PDE11A: variants seen among roughly 807,000 people sequenced by gnomAD.
PDE11A encodes the protein dual 3',5'-cyclic-AMP and -GMP phosphodiesterase 11A.
Under a neutral mutation model 100.5 loss-of-function variants are expected in PDE11A, and 100 were observed. That is an observed-to-expected ratio of 1.00 (90% CI 0.85 to 1.18). PDE11A has a LOEUF of 1.18. Ranked by LOEUF, PDE11A falls within the 50% of genes most tolerant of loss-of-function variation. The probability of loss-of-function intolerance (pLI) is 0.00; values close to 1 mark genes in which losing one functional copy is unlikely to be tolerated. For missense variants in PDE11A, 1,141 were observed against 1,152.6 expected, an observed-to-expected ratio of 0.99 and a Z score of 0.15; for synonymous variants, 381 against 420.8, an observed-to-expected ratio of 0.91 and a Z score of 1.16.
intron 2 of PDE11A, among the ~76,000 whole-genome samples, chr2:177,913,321 T>A (rs900882289): frequency 3.3e-5 from 5 of 152,166 alleles, no homozygotes; most frequent in African/African-American, 1.2e-4. Flanking sequence ...TGGAACTTAC[T>A]TTATTCAACA....
chr2:177,643,412 G>A (rs529121498), intron 19 of PDE11A, among the ~76,000 whole-genome samples: 2 of 152,276 alleles, frequency 1.3e-5, no homozygotes, highest in East Asian at 1.9e-4. Context: ...AAAGAGACTG[G>A]CAGCATTTTG....
At chr2:177,906,979 G>T in intron 2 of PDE11A, among the ~76,000 whole-genome samples, 1 of 152,028 alleles carries the variant, frequency 6.6e-6, no homozygotes, top group Admixed American at 6.5e-5. Context: ...CTACTTATTT[G>T]TTTTATTTAT....
chr2:177,692,632 G>T (rs2105525065), intron 15 of PDE11A, among the ~76,000 whole-genome samples: 1 of 152,298 alleles, frequency 6.6e-6, no homozygotes, highest in African/African-American at 2.4e-5. Flanking sequence ...AAGTTGCTCA[G>T]CAGTAACTGG....
At chr2:177,853,863 T>C (rs962483820) in intron 5 of PDE11A, among the ~76,000 whole-genome samples, 5 of 145,136 alleles carry the variant, frequency 3.4e-5, no homozygotes, top group Non-Finnish European at 7.5e-5. Context: ...TATATATCTA[T>C]ATATGTATAT....
intron 1 of PDE11A, among the ~76,000 whole-genome samples, chr2:178,057,534 C>T (rs2086913110): frequency 6.6e-6 from 1 of 152,182 alleles, no homozygotes; most frequent in Non-Finnish European, 1.5e-5. Context: ...CTCTGCCTTG[C>T]CCAAAAGATA....
At chr2:177,958,325 C>T (rs529447171) in intron 2 of PDE11A, among the ~76,000 whole-genome samples, 55 of 152,300 alleles carry the variant, frequency 3.6e-4, no homozygotes, top group Admixed American at 9.1e-4. Flanking sequence ...GTGAGCAGCA[C>T]AAGGCCATCC....
At chr2:177,651,247 G>C (rs1386218773) in intron 19 of PDE11A, among the ~76,000 whole-genome samples, 1 of 152,168 alleles carries the variant, frequency 6.6e-6, no homozygotes, top group African/African-American at 2.4e-5. Flanking sequence ...TTACAGCAGA[G>C]ATACTGAGGT....
chr2:177,987,214 G>A (rs893409454), intron 2 of PDE11A, among the ~76,000 whole-genome samples: 2 of 152,146 alleles, frequency 1.3e-5, no homozygotes, highest in Non-Finnish European at 2.9e-5. Flanking sequence ...TCGAGAGGCA[G>A]AGGACTCTCT....
intron 1 of PDE11A, among the ~76,000 whole-genome samples, chr2:178,057,757 T>C (rs1030861192): frequency 6.6e-6 from 1 of 152,194 alleles, no homozygotes; most frequent in African/African-American, 2.4e-5. Context: ...GCCTGGAGCA[T>C]GATAGCCCTG....
chr2:178,024,040 G>C (rs1046270549), intron 1 of PDE11A, among the ~76,000 whole-genome samples: 1 of 152,136 alleles, frequency 6.6e-6, no homozygotes, highest in African/African-American at 2.4e-5. Context: ...CAATTGGTAG[G>C]GGGAGGGGCC....
rs761816112 is a variant in PDE11A at position 178,104,253 on chromosome 2, T to G, written c.162+49A>C. 4.5e-6 allele frequency: 7 copies of G among 1,544,970 alleles called. No homozygotes were observed. In the East Asian group the frequency reaches 1.6e-4, roughly 35 times the overall value. On this transcript the variant is annotated intron_variant, in intron 2 of 20. Transcript: ENST00000358450. The stretch of plus-strand genomic sequence containing the variant: ...TTATAATGCCAAATCATATGCTTTA[T>G]TCTTTCCTACAGTGTATCTGGTTCT...
chr2:177,677,187 T>A (rs536471540), intron 16 of PDE11A, among the ~76,000 whole-genome samples: 1 of 152,356 alleles, frequency 6.6e-6, no homozygotes, highest in South Asian at 2.1e-4. Flanking sequence ...GTTTATTGAG[T>A]ATCTGCTAGG....
chr2:177,937,321 T>G lies in PDE11A; in HGVS notation c.1072-32134A>C, dbSNP rs577779340. Among the ~76,000 whole-genome samples the G allele has an allele frequency of 1.4e-3, 174 of 120,296 alleles. 1 individual carries two copies. Among genetic ancestry groups the G allele is most frequent in the Middle Eastern group, 4.1e-3 (1 of 244 alleles). The allele number at this position is 120,296 out of a possible 152,430, so 78.9% of individuals were successfully genotyped here. On this transcript the variant is annotated intron_variant, in intron 2 of 19. Transcript: ENST00000286063. ...GAAATTTCATAATAAATTGAAAGCT[T>G]TTTTTTTTTTTTTTTTGATGGAGTC...
At chr2:177,785,578 C>T (rs546676628) in intron 9 of PDE11A, among the ~76,000 whole-genome samples, 29 of 152,272 alleles carry the variant, frequency 1.9e-4, no homozygotes, top group South Asian at 6.2e-4. Flanking sequence ...CGAAGTAGGG[C>T]GAGGCATTGC....
In PDE11A at chr2:177,657,463, A is replaced by G. The variant is rs959945257; in HGVS notation, c.2646+6403T>C. 2.0e-5 allele frequency among the ~76,000 whole-genome samples: 3 copies of G among 152,336 alleles called. No individual in the cohort carries two copies. In the South Asian group the frequency reaches 6.2e-4, roughly 32 times the overall value. Reference sequence around the variant, plus strand: ...GCTTTGCAAGGTGAAGTGGCTTTCTACATTTCAGAACTCTCCTTTCTCTAT... The same window carrying G: ...GCTTTGCAAGGTGAAGTGGCTTTCTGCATTTCAGAACTCTCCTTTCTCTAT... On this transcript the variant is annotated intron_variant, in intron 19 of 19. Coordinates refer to ENST00000286063, the MANE Select transcript of PDE11A (RefSeq NM_016953.4).
intron 2 of PDE11A, among the ~76,000 whole-genome samples, chr2:177,936,778 G>A (rs1328386767): frequency 6.6e-6 from 1 of 152,030 alleles, no homozygotes; most frequent in African/African-American, 2.4e-5. Context: ...AAAATTAGCT[G>A]GGTTTGGTTG....
At chr2:177,813,712 A>G (rs928748943) in intron 9 of PDE11A, among the ~76,000 whole-genome samples, 14 of 152,074 alleles carry the variant, frequency 9.2e-5, no homozygotes, top group African/African-American at 2.7e-4. Context: ...ATGTATTCCC[A>G]TTAACTCTCT....
chr2:177,854,556 G>T (rs2083795724), intron 5 of PDE11A, among the ~76,000 whole-genome samples: 1 of 152,032 alleles, frequency 6.6e-6, no homozygotes, highest in African/African-American at 2.4e-5. Flanking sequence ...GGAAAATATG[G>T]AATCCCAGAA....
At chr2:178,050,084 C>T (rs1430008112) in intron 1 of PDE11A, among the ~76,000 whole-genome samples, 1 of 152,178 alleles carries the variant, frequency 6.6e-6, no homozygotes, top group Non-Finnish European at 1.5e-5. Flanking sequence ...AGTAGCCTAA[C>T]TGGGAGGCGC....
Sources: allele counts gnomAD v4.1 joint callset (sites outside exome capture counted in the v4.1 genomes callset), GRCh38; gene constraint gnomAD v4.1.1; transcripts MANE v1.5; gene names NCBI Gene and HGNC (gene_info 2026-07-23, HGNC 2026-07-21).